Variants in DACH2 observed in about 807,000 individuals in gnomAD.
DACH2 encodes the protein dachshund homolog 2.
In DACH2, 17 loss-of-function variants were observed where a neutral mutation model predicts 35.8. That is an observed-to-expected ratio of 0.48 (90% CI 0.33 to 0.71). DACH2 has a LOEUF of 0.71. DACH2 is among the 30% of genes least tolerant of loss of function. The pLI is 0.02. For synonymous variants in DACH2, 195 were observed against 177.3 expected (o/e 1.10, Z -0.79); for missense variants, 469 against 472.7 (o/e 0.99, Z 0.07).
intron 3 of DACH2, among the ~76,000 whole-genome samples, chrX:86,636,305 G>A (rs372639054): frequency 6.3e-5 from 7 of 110,560 alleles, no homozygotes; most frequent in Non-Finnish European, 9.4e-5. Flanking sequence ...AAAATGAGCC[G>A]GGCGTAGTGA....
intron 3 of DACH2, among the ~76,000 whole-genome samples, chrX:86,584,062 G>A (rs375005942): frequency 2.9e-4 from 32 of 110,003 alleles, no homozygotes; most frequent in African/African-American, 8.9e-4. Context: ...ACGTGGGCCC[G>A]GAGATTTGTT....
chrX:86,366,034 A>G, intron 1 of DACH2, among the ~76,000 whole-genome samples: 1 of 111,784 alleles, frequency 8.9e-6, no homozygotes, highest in Non-Finnish European at 1.9e-5. Context: ...TAGAGGTCAG[A>G]AAGTTTCACA....
chrX:86,783,316 T>TG (rs1189061588), intron 7 of DACH2, among the ~76,000 whole-genome samples: 1 of 112,052 alleles, frequency 8.9e-6, no homozygotes, highest in Non-Finnish European at 1.9e-5. Context: ...AAACTGTTGG[T>TG]GGGAATGTAA....
chrX:86,384,568 G>A (rs1569371657), intron 2 of DACH2, among the ~76,000 whole-genome samples: 1 of 111,921 alleles, frequency 8.9e-6, no homozygotes, highest in East Asian at 2.8e-4. Context: ...GAATTCAATT[G>A]CTCAATGGGT....
At chrX:86,452,849 T>A (rs1485443820) in intron 2 of DACH2, among the ~76,000 whole-genome samples, 2 of 111,493 alleles carry the variant, frequency 1.8e-5, no homozygotes, top group African/African-American at 6.5e-5. Context: ...TTATTTCTTG[T>A]CTTCTGCTAG....
intron 2 of DACH2, among the ~76,000 whole-genome samples, chrX:86,400,562 G>C (rs941507116): frequency 1.3e-4 from 14 of 111,508 alleles, no homozygotes; most frequent in African/African-American, 4.6e-4. Context: ...TTTTTGGTGT[G>C]GATGTCCTTT....
intron 3 of DACH2, among the ~76,000 whole-genome samples, chrX:86,648,239 C>T (rs931814739): frequency 1.8e-5 from 2 of 111,628 alleles, no homozygotes; most frequent in East Asian, 5.6e-4. Context: ...TATTGTAGCA[C>T]TTTCACTTTT....
chrX:86,199,909 T>C (rs1370803208), intron 1 of DACH2, among the ~76,000 whole-genome samples: 3 of 112,145 alleles, frequency 2.7e-5, no homozygotes, highest in Non-Finnish European at 5.6e-5. Context: ...TCTCTTAAAC[T>C]ACCAATGACA....
At chrX:86,389,858 A>G (rs2036174133) in intron 2 of DACH2, among the ~76,000 whole-genome samples, 1 of 112,509 alleles carries the variant, frequency 8.9e-6, no homozygotes, top group South Asian at 3.6e-4. Flanking sequence ...GGTTGTCATG[A>G]CATTTCTTTT....
chrX:86,347,681 T>C (rs2035521192), intron 1 of DACH2, among the ~76,000 whole-genome samples: 1 of 112,874 alleles, frequency 8.9e-6, no homozygotes, highest in East Asian at 2.8e-4. Flanking sequence ...TACATTTCTT[T>C]GACCATCTGC....
chrX:86,196,166 C>A (rs2031977034), intron 1 of DACH2, among the ~76,000 whole-genome samples: 1 of 110,967 alleles, frequency 9.0e-6, no homozygotes, highest in Non-Finnish European at 1.9e-5. Context: ...ACATTGACAC[C>A]CAATCCAAGG....
intron 1 of DACH2, among the ~76,000 whole-genome samples, chrX:86,191,032 A>G (rs188710475): frequency 1.8e-5 from 2 of 112,449 alleles, no homozygotes; most frequent in African/African-American, 6.4e-5. Flanking sequence ...GTTCATGGGA[A>G]TGTAAATTAG....
intron 1 of DACH2, among the ~76,000 whole-genome samples, chrX:86,177,366 A>G (rs945222021): frequency 1.1e-3 from 119 of 112,203 alleles, no homozygotes; most frequent in African/African-American, 3.8e-3. Context: ...ATTCATTATT[A>G]ACCTCACATG....
At chrX:86,712,711 A>T (rs1237182357) in intron 5 of DACH2, among the ~76,000 whole-genome samples, 3 of 111,405 alleles carry the variant, frequency 2.7e-5, no homozygotes, top group Non-Finnish European at 5.7e-5. Flanking sequence ...TTGAGGCCTC[A>T]TTGATAAATT....
At chrX:86,552,163 C>A (rs192304106) in intron 3 of DACH2, among the ~76,000 whole-genome samples, 11 of 111,550 alleles carry the variant, frequency 9.9e-5, no homozygotes, top group African/African-American at 2.6e-4. Context: ...CTGACTCTTT[C>A]TCTTTTTTAG....
intron 3 of DACH2, among the ~76,000 whole-genome samples, chrX:86,611,102 G>A (rs1347736695): frequency 1.8e-5 from 2 of 110,474 alleles, no homozygotes; most frequent in African/African-American, 6.6e-5. Flanking sequence ...TGGTTATTCA[G>A]GGCCCAAGGT....
At position 86,706,251 on chromosome X, in the gene DACH2, G is replaced by A. The variant is rs6623759; in HGVS notation, c.932-8297G>A. Among the ~76,000 whole-genome samples the A allele has an allele frequency of 3.8e-3, 418 of 110,933 alleles. 2 individuals carry two copies. The highest frequency in any genetic ancestry group is 0.013 in the African/African-American group (383 of 30,580). ...TGTACTCTCGAAGCTATTAAAATAC[G>A]AAAAATAACAAGAAAAAGTAATTTT... On this transcript the variant is annotated intron_variant, in intron 5 of 11. Coordinates refer to ENST00000373125, the MANE Select transcript of DACH2 (RefSeq NM_053281.3).
rs766634435 is a variant in DACH2 at position 86,739,906 on chromosome X, T to C, written c.1240+24T>C. The stretch of plus-strand genomic sequence containing the variant: ...GGGTGAGTAACTTTTCTGAAACAGG[T>C]AATTGGAAAACATTGTTTCTGGAAA... On this transcript the variant is annotated intron_variant, in intron 7 of 11. Transcript: ENST00000373125. The C allele has an allele frequency of 2.6e-6, 3 of 1,163,904 alleles. No homozygotes were observed. The Admixed American group carries it at 7.7e-5, about 30-fold the overall frequency.
chrX:86,209,866 A>G (rs955499239), intron 1 of DACH2, among the ~76,000 whole-genome samples: 2 of 111,496 alleles, frequency 1.8e-5, no homozygotes, highest in Admixed American at 1.9e-4. Flanking sequence ...TAGAAATTTC[A>G]TCAAGGAAAA....
Sources: gnomAD v4.1 joint callset for allele counts (sites outside exome capture counted in the v4.1 genomes callset) on GRCh38, gnomAD v4.1.1 for gene constraint, MANE v1.5 for transcripts, NCBI Gene and HGNC (gene_info 2026-07-23, HGNC 2026-07-21) for gene names.